The following ARHGEF11 variants were observed in gnomAD, a reference collection of about 807,000 sequenced individuals.
The protein encoded by ARHGEF11 is Rho guanine nucleotide exchange factor 11, also known as Rho guanine exchange factor (GEF) 11.
Under a neutral mutation model 193.7 loss-of-function variants are expected in ARHGEF11, and 55 were observed. The observed-to-expected ratio is 0.28, with a 90% CI of 0.23 to 0.36. ARHGEF11 has a LOEUF of 0.36. Ranked by LOEUF, ARHGEF11 falls within the 10% of genes least tolerant of loss-of-function variation. ARHGEF11 has a pLI of 1.00. For missense variants in ARHGEF11, 1,723 were observed against 2,005.6 expected (o/e 0.86, Z 2.69); for synonymous variants, 693 against 768.0 (o/e 0.90, Z 1.62).
intron 22 of ARHGEF11, among the ~76,000 whole-genome samples, chr1:156,949,771 T>G (rs1242017401): frequency 6.6e-6 from 1 of 152,140 alleles, no homozygotes; most frequent in Non-Finnish European, 1.5e-5. Flanking sequence ...CACCCAGAAG[T>G]AAGTAATGCT....
intron 1 of ARHGEF11, among the ~76,000 whole-genome samples, chr1:157,013,140 C>T (rs1668745367): frequency 6.6e-6 from 1 of 152,014 alleles, no homozygotes; most frequent in African/African-American, 2.4e-5. Context: ...CTACCTCTGC[C>T]AGACCTCTAG....
At chr1:156,936,331 T>A in intron 40 of ARHGEF11, 1 of 608,626 alleles carries the variant, frequency 1.6e-6, no homozygotes. Context: ...TTCTGAATCA[T>A]TTAATCAGCA....
chr1:156,987,491 C>G (rs1299785509), intron 1 of ARHGEF11, among the ~76,000 whole-genome samples: 2 of 152,054 alleles, frequency 1.3e-5, no homozygotes, highest in African/African-American at 2.4e-5. Context: ...ATTTACATAT[C>G]CAAAAATATC....
chr1:156,953,091 T>C (rs1327884843), intron 21 of ARHGEF11, among the ~76,000 whole-genome samples: 1 of 152,224 alleles, frequency 6.6e-6, no homozygotes, highest in Non-Finnish European at 1.5e-5. Flanking sequence ...AGATCTGGTA[T>C]AACTGAATGA....
chr1:156,948,985 T>G lies in ARHGEF11; in HGVS notation c.1926-487A>C. On this transcript the variant is annotated intron_variant, in intron 22 of 40. Transcript: ENST00000368194. This position sits in a 1 kb window ranked among gnomAD's most constrained non-coding sequence, Gnocchi z 4.2. ...CCTGAGGCGAACCTCTTTTAAGAGG[T>G]CTTAAGAGGAAAGTGGAGTCACTAT... The G allele has an allele frequency of 1.0e-6, 1 of 985,404 alleles. No individual in the cohort carries two copies. The highest frequency in any genetic ancestry group is 1.2e-6 in the Non-Finnish European group (1 of 829,930). The allele number at this position is 985,404 out of a possible 1,614,324, so 61.0% of individuals were successfully genotyped here.
intron 11 of ARHGEF11, among the ~76,000 whole-genome samples, chr1:156,966,310 G>GTTGACC (rs1661661504): frequency 1.3e-5 from 2 of 152,320 alleles, no homozygotes; most frequent in South Asian, 4.1e-4. Context: ...CAAACTTTCT[G>GTTGACC]TTGACCATGA....
At chr1:156,945,956 G>C (rs867073534) in intron 29 of ARHGEF11, 89 bp downstream of exon 29, 49 of 1,050,516 alleles carry the variant, frequency 4.7e-5, no homozygotes, top group African/African-American at 3.5e-4. Context: ...ACAAGGCACA[G>C]TGACTTGCTA....
chr1:156,948,507 A>G lies in ARHGEF11; in HGVS notation c.1926-9T>C, dbSNP rs1267437026. 6.2e-7 allele frequency: 1 copy of G among 1,613,680 alleles called. No homozygotes were observed. The highest frequency in any genetic ancestry group is 8.5e-7 in the Non-Finnish European group (1 of 1,179,888). On this transcript the variant is annotated splice_polypyrimidine_tract_variant and intron_variant, in intron 22 of 40. Coordinates refer to ENST00000368194, the MANE Select transcript of ARHGEF11 (RefSeq NM_198236.3). The surrounding 1 kb of genome is among the most constrained non-coding windows in gnomAD (Gnocchi z 4.2). ...GAATCTCTGAGCGTGAACTGGGGGG[A>G]AGGGACAAAAGACTTTGGGACTTGG...
Position 156,947,097 on chromosome 1 carries a change from C to T in ARHGEF11, c.2489-82G>A, listed in dbSNP as rs1336625931. The T allele has an allele frequency of 1.9e-6, 3 of 1,563,272 alleles. No individual in the cohort carries two copies. The African/African-American group carries it at 4.1e-5, about 21-fold the overall frequency. ...CTTTCTGACAGAGAGAAGTGAATCT[C>T]TGACAGCAGTGCCATGGGAAGGGTC... On this transcript the variant is annotated intron_variant, in intron 26 of 40. Coordinates refer to ENST00000368194, the MANE Select transcript of ARHGEF11 (RefSeq NM_198236.3).
intron 1 of ARHGEF11, among the ~76,000 whole-genome samples, chr1:156,995,785 C>T (rs1042271284): frequency 6.6e-6 from 1 of 151,200 alleles, no homozygotes; most frequent in Non-Finnish European, 1.5e-5. Context: ...CACAAGGGAT[C>T]CTCAGCCTCA....
intron 9 of ARHGEF11, 48 bp from the exon 10 acceptor site, chr1:156,969,406 G>A: frequency 6.5e-7 from 1 of 1,538,368 alleles, no homozygotes; most frequent in Middle Eastern, 1.7e-4. Context: ...GTGGCCTAGG[G>A]GAAAGAGAGC....
At chr1:156,990,700 A>T (rs867643045) in intron 1 of ARHGEF11, among the ~76,000 whole-genome samples, 2 of 92,156 alleles carry the variant, frequency 2.2e-5, no homozygotes, top group Non-Finnish European at 4.5e-5. Context: ...ATTACCCTTT[A>T]AAAAAAAAGT....
At chr1:156,992,095 A>T (rs943375859) in intron 1 of ARHGEF11, among the ~76,000 whole-genome samples, 8 of 152,170 alleles carry the variant, frequency 5.3e-5, no homozygotes, top group Non-Finnish European at 1.0e-4. Flanking sequence ...TATATTCAGA[A>T]GTGTACCTAT....
chr1:157,007,899 G>GTTTTTTTTTTTTGTTTTTTT (rs1668017982), intron 1 of ARHGEF11, among the ~76,000 whole-genome samples: 5 of 128,946 alleles, frequency 3.9e-5, no homozygotes, highest in African/African-American at 5.8e-5. Context: ...GAAGGCAAAG[G>GTTTTTTTTTTTTGTTTTTTT]TTTTTTTTTT....
intron 3 of ARHGEF11, among the ~76,000 whole-genome samples, chr1:156,982,607 G>A (rs558799383): frequency 5.3e-5 from 8 of 152,238 alleles, no homozygotes; most frequent in Admixed American, 4.6e-4. Flanking sequence ...TATTCTCCCT[G>A]TAAGCCATCT....
intron 1 of ARHGEF11, among the ~76,000 whole-genome samples, chr1:157,031,048 C>T (rs920155185): frequency 7.2e-5 from 11 of 151,766 alleles, no homozygotes; most frequent in African/African-American, 2.7e-4. Flanking sequence ...AGTTATGAAC[C>T]CAGGTCTTAT....
chr1:156,948,410 G>C lies in ARHGEF11; in HGVS notation c.2014C>G (p.Arg672Gly). Reference sequence around the variant, plus strand: ...TCCATGTCAACATCACTGCGAGAGCGGGGCACGTTCTCTGCCTTTCGAGAC... The same window carrying C: ...TCCATGTCAACATCACTGCGAGAGCCGGGCACGTTCTCTGCCTTTCGAGAC... Reference protein sequence around the residue: ...KRSRKAENVPRSRSDVDMDAA... With the variant: ...KRSRKAENVPGSRSDVDMDAA... Residue 672 changes from arginine (R) to glycine (G), a missense_variant, in exon 23 of 41, where the codon CGC becomes GGC. Arg to Gly is a moderately radical substitution (Grantham distance 125). This residue lies in a region of ARHGEF11 where 491 missense variants were observed against 654.5 expected (regional missense o/e 0.75). Coordinates refer to ENST00000368194, the MANE Select transcript of ARHGEF11 (RefSeq NM_198236.3). This position sits in a 1 kb window ranked among gnomAD's most constrained non-coding sequence, Gnocchi z 4.2. 6.2e-7 allele frequency: 1 copy of C among 1,614,224 alleles called. No individual in the cohort carries two copies. The highest frequency in any genetic ancestry group is 8.5e-7 in the Non-Finnish European group (1 of 1,180,044).
intron 1 of ARHGEF11, among the ~76,000 whole-genome samples, chr1:156,995,820 G>C (rs1292936365): frequency 6.6e-6 from 1 of 151,764 alleles, no homozygotes; most frequent in East Asian, 1.9e-4. Flanking sequence ...TGGGATTACA[G>C]GCATGTGCCA....
At chr1:157,000,244 T>C (rs1025533216) in intron 1 of ARHGEF11, among the ~76,000 whole-genome samples, 1 of 152,374 alleles carries the variant, frequency 6.6e-6, no homozygotes, top group East Asian at 1.9e-4. Flanking sequence ...ATTATAGGTA[T>C]GATCCACCGT....
Sources: gnomAD v4.1 joint callset for allele counts (sites outside exome capture counted in the v4.1 genomes callset) on GRCh38, gnomAD v4.1.1 for gene constraint, gnomAD v4.1.1 regional missense constraint, Gnocchi (gnomAD v3.1) non-coding constraint, MANE v1.5 for transcripts, NCBI Gene and HGNC (gene_info 2026-07-23, HGNC 2026-07-21) for gene names.